CFAP61: variants seen among roughly 807,000 people sequenced by gnomAD.
CFAP61 encodes the protein cilia and flagella associated protein 61.
A neutral mutation model predicts 135.6 loss-of-function variants in CFAP61; 107 were observed. That is an observed-to-expected ratio of 0.79 (90% CI 0.67 to 0.93). The LOEUF is 0.93. Among genes scored for constraint, CFAP61 ranks in the 40% least tolerant of loss-of-function variants. CFAP61 has a pLI of 0.00. For synonymous variants in CFAP61, 575 were observed against 578.5 expected, an observed-to-expected ratio of 0.99 and a Z score of 0.09; for missense variants, 1,507 against 1,556.2, an observed-to-expected ratio of 0.97 and a Z score of 0.53.
chr20:20,209,772 C>T (rs1380904186), intron 17 of CFAP61, among the ~76,000 whole-genome samples: 1 of 152,138 alleles, frequency 6.6e-6, no homozygotes, highest in South Asian at 2.1e-4. Context: ...TTCTCAGGAG[C>T]TCATGGACAT....
intron 26 of CFAP61, among the ~76,000 whole-genome samples, chr20:20,356,540 G>A (rs1308064029): frequency 7.2e-5 from 7 of 96,904 alleles, no homozygotes; most frequent in South Asian, 3.2e-4. Flanking sequence ...TGTGAGGGGA[G>A]GTGGTCACAC....
intron 7 of CFAP61, among the ~76,000 whole-genome samples, chr20:20,097,635 A>G (rs964757475): frequency 1.9e-4 from 29 of 152,192 alleles, no homozygotes; most frequent in African/African-American, 7.0e-4. Flanking sequence ...TCGCCTATGT[A>G]TTACTCATCA....
intron 17 of CFAP61, among the ~76,000 whole-genome samples, chr20:20,208,053 C>T (rs1437170038): frequency 3.3e-5 from 5 of 152,232 alleles, no homozygotes; most frequent in Admixed American, 3.3e-4. Context: ...CCCGGCCCTG[C>T]ATTACATCCT....
chr20:20,270,245 C>G (rs2053238233), intron 21 of CFAP61, among the ~76,000 whole-genome samples: 1 of 152,136 alleles, frequency 6.6e-6, no homozygotes, highest in Admixed American at 6.5e-5. Flanking sequence ...AACTTCATGG[C>G]CAGACCACCA....
rs114511279 is a variant in CFAP61 at position 20,071,020 on chromosome 20, C to A, written c.294+16C>A. 868 of 1,611,308 alleles carry A rather than the reference C, an allele frequency of 5.4e-4. 4 individuals carry two copies. The African/African-American group carries it at 0.01, about 19-fold the overall frequency. ...CCCATGCACAGTAAGAAATCACATA[C>A]AGTGCTTGTTAGAACACCCTGAATC... is the stretch of plus-strand genomic sequence containing the variant. On this transcript the variant is annotated intron_variant, in intron 3 of 26. Transcript: ENST00000245957.
At chr20:20,095,858 G>T (rs2047528860) in intron 7 of CFAP61, among the ~76,000 whole-genome samples, 1 of 152,172 alleles carries the variant, frequency 6.6e-6, no homozygotes, top group Admixed American at 6.5e-5. Context: ...AAAAGGGATG[G>T]GTGGCTGTAG....
chr20:20,274,525 G>A (rs2053594091), intron 21 of CFAP61, among the ~76,000 whole-genome samples: 1 of 152,194 alleles, frequency 6.6e-6, no homozygotes, highest in African/African-American at 2.4e-5. Flanking sequence ...GCCTGGCATA[G>A]TGGTGCGGGC....
At chr20:20,225,592 A>G (rs1332666474) in intron 17 of CFAP61, 1 of 152,222 alleles carries the variant, frequency 6.6e-6, no homozygotes, top group Non-Finnish European at 1.5e-5. Context: ...TAAATGAGGT[A>G]TAATTCTTTA....
intron 17 of CFAP61, among the ~76,000 whole-genome samples, chr20:20,208,415 C>T (rs1414352523): frequency 6.6e-6 from 1 of 152,178 alleles, no homozygotes; most frequent in Non-Finnish European, 1.5e-5. Flanking sequence ...CAATTTTCCT[C>T]CAAGGGTTAG....
intron 24 of CFAP61, among the ~76,000 whole-genome samples, chr20:20,293,938 A>G (rs2055193815): frequency 6.6e-6 from 1 of 151,812 alleles, no homozygotes; most frequent in South Asian, 2.1e-4. Context: ...TCCATTTGGC[A>G]TGAATTCCAG....
chr20:20,344,232 A>G (rs1415288902), intron 26 of CFAP61, among the ~76,000 whole-genome samples: 1 of 152,096 alleles, frequency 6.6e-6, no homozygotes, highest in African/African-American at 2.4e-5. Flanking sequence ...CACCTCAGAG[A>G]GCTGTGGGGG....
rs116130267 is a variant in CFAP61 at position 20,193,257 on chromosome 20, T to C, written c.1590+1838T>C. Among the ~76,000 whole-genome samples, 1,312 of 152,292 alleles carry C rather than the reference T, an allele frequency of 8.6e-3. 29 individuals are homozygous for C. The highest frequency in any genetic ancestry group is 0.031 in the African/African-American group (1,270 of 41,532). On this transcript the variant is annotated intron_variant, in intron 15 of 26. Coordinates refer to ENST00000245957, the MANE Select transcript of CFAP61 (RefSeq NM_015585.4). ...GGAATGATTCTACACTTTCCTTCAT[T>C]TAGTGTAATCGTGGCTGTAGGTTTC...
intron 18 of CFAP61, among the ~76,000 whole-genome samples, chr20:20,238,608 G>A (rs970792863): frequency 8.5e-5 from 13 of 152,184 alleles, no homozygotes; most frequent in South Asian, 2.1e-4. Flanking sequence ...AATAACTAGC[G>A]ATCGCCTAGC....
intron 20 of CFAP61, among the ~76,000 whole-genome samples, chr20:20,255,413 G>A (rs1489259656): frequency 6.6e-6 from 1 of 152,192 alleles, no homozygotes; most frequent in African/African-American, 2.4e-5. Flanking sequence ...TGGGTCGGGG[G>A]TCACTAGCAG....
At position 20,166,446 on chromosome 20, in the gene CFAP61, T is replaced by G; in HGVS notation, c.1245+10T>G. ...TTTCAGTCTTTTTTCTGTAAGTACA[T>G]GCTGAATTTTGAGAACTGATTTTGT... On this transcript the variant is annotated intron_variant, in intron 12 of 26. Coordinates refer to ENST00000245957, the MANE Select transcript of CFAP61 (RefSeq NM_015585.4). 2 of 1,607,412 alleles carry G rather than the reference T, an allele frequency of 1.2e-6. No homozygotes were observed. Among genetic ancestry groups the G allele is most frequent in the Non-Finnish European group, 1.7e-6 (2 of 1,174,104 alleles).
intron 17 of CFAP61, among the ~76,000 whole-genome samples, chr20:20,205,216 A>G (rs2056805928): frequency 6.6e-6 from 1 of 152,182 alleles, no homozygotes; most frequent in Non-Finnish European, 1.5e-5. Flanking sequence ...CTACTGTTGC[A>G]TTACTGTTAC....
At chr20:20,232,384 A>G (rs2049210716) in intron 18 of CFAP61, among the ~76,000 whole-genome samples, 1 of 150,738 alleles carries the variant, frequency 6.6e-6, no homozygotes, top group Admixed American at 6.6e-5. Context: ...GCAAAATAGA[A>G]AAAAAAAAGA....
chr20:20,305,686 C>T (rs975529919), intron 25 of CFAP61, among the ~76,000 whole-genome samples: 9 of 152,200 alleles, frequency 5.9e-5, no homozygotes, highest in Non-Finnish European at 1.2e-4. Flanking sequence ...CAGTCCTGTG[C>T]GACCAGCCTC....
intron 2 of CFAP61, among the ~76,000 whole-genome samples, chr20:20,064,992 G>A (rs2146550742): frequency 6.6e-6 from 1 of 152,264 alleles, no homozygotes; most frequent in East Asian, 1.9e-4. Context: ...ACAAAAGACA[G>A]ATGGACCAGG....
Sources: allele counts gnomAD v4.1 joint callset (sites outside exome capture counted in the v4.1 genomes callset), GRCh38; gene constraint gnomAD v4.1.1; transcripts MANE v1.5; gene names NCBI Gene and HGNC (gene_info 2026-07-23, HGNC 2026-07-21).